Variants in ADGRB3 observed in about 807,000 individuals in gnomAD.
ADGRB3 encodes brain-specific angiogenesis inhibitor 3.
In ADGRB3, 37 loss-of-function variants were observed where a neutral mutation model predicts 193.4. The ratio of observed to expected loss-of-function variants is 0.19; its 90% CI spans 0.15 to 0.25. The LOEUF (loss-of-function observed/expected upper bound fraction) is 0.25. Among genes scored for constraint, ADGRB3 ranks in the 10% least tolerant of loss-of-function variants. The pLI is 1.00. For synonymous variants in ADGRB3, 690 were observed against 644.2 expected (o/e 1.07, Z -1.08); for missense variants, 1,637 against 1,852.9 (o/e 0.88, Z 2.14).
At chr6:69,332,179 C>T (rs1768745094) in intron 23 of ADGRB3, 18 of 985,228 alleles carry the variant, frequency 1.8e-5, no homozygotes, top group African/African-American at 5.2e-5. Flanking sequence ...TACAAATAGA[C>T]ATCTATGCAG....
At chr6:69,244,724 C>A (rs772821674) in intron 20 of ADGRB3, among the ~76,000 whole-genome samples, 1 of 151,976 alleles carries the variant, frequency 6.6e-6, no homozygotes, top group Non-Finnish European at 1.5e-5. Flanking sequence ...TCTGCCAGTT[C>A]TCCTAGTTGT....
rs939053978 is a variant in ADGRB3, at chr6:68,798,227, G to A, written c.758-132332G>A. On this transcript the variant is annotated intron_variant, in intron 3 of 31. Coordinates refer to ENST00000370598, the MANE Select transcript of ADGRB3 (RefSeq NM_001704.3). ...TATATGTAACATAGTTTATAGAAGT[G>A]TATTTTAATTCAGTTTGGCAAATAT... Among the ~76,000 whole-genome samples, 3 of 152,156 alleles carry A rather than the reference G, an allele frequency of 2.0e-5. No individual in the cohort carries two copies. In the East Asian group the frequency reaches 5.8e-4, roughly 29 times the overall value.
chr6:68,978,995 A>T (rs1768829331), intron 10 of ADGRB3, among the ~76,000 whole-genome samples: 1 of 151,344 alleles, frequency 6.6e-6, no homozygotes, highest in Non-Finnish European at 1.5e-5. Context: ...TCATTAATAA[A>T]CATTAGTTGT....
At chr6:69,030,297 A>C (rs148835057) in intron 13 of ADGRB3, among the ~76,000 whole-genome samples, 1 of 152,160 alleles carries the variant, frequency 6.6e-6, no homozygotes, top group South Asian at 2.1e-4. Flanking sequence ...TCATTTTACT[A>C]TAAAGACACA....
At chr6:69,319,716 C>A (rs887256421) in intron 20 of ADGRB3, among the ~76,000 whole-genome samples, 2 of 151,164 alleles carry the variant, frequency 1.3e-5, no homozygotes, top group African/African-American at 4.8e-5. Flanking sequence ...ATTTTTCTCC[C>A]AATACTAACA....
intron 3 of ADGRB3, among the ~76,000 whole-genome samples, chr6:68,754,148 A>AT (rs1413924802): frequency 6.6e-6 from 1 of 152,206 alleles, no homozygotes. Context: ...AAATCTAAGG[A>AT]TAAAAAATGT....
At chr6:68,920,793 TA>T (rs147748338) in intron 3 of ADGRB3, among the ~76,000 whole-genome samples, 10 of 150,906 alleles carry the variant, frequency 6.6e-5, no homozygotes, top group East Asian at 2.0e-4. Context: ...ATGAAGAAAC[TA>T]AAAAAAAATC....
At chr6:68,637,725 A>G (rs1767989848) in intron 2 of ADGRB3, among the ~76,000 whole-genome samples, 163 bp downstream of exon 2, 1 of 152,220 alleles carries the variant, frequency 6.6e-6, no homozygotes, top group Non-Finnish European at 1.5e-5. Context: ...TACCATGTGT[A>G]AGCCTTAAAT....
chr6:69,276,540 T>C (rs1767306702), intron 20 of ADGRB3, among the ~76,000 whole-genome samples: 1 of 152,200 alleles, frequency 6.6e-6, no homozygotes, highest in Non-Finnish European at 1.5e-5. Context: ...TTCCACTTTT[T>C]GTTTCTTTTT....
At chr6:69,319,949 C>T (rs1442701127) in intron 20 of ADGRB3, among the ~76,000 whole-genome samples, 2 of 151,220 alleles carry the variant, frequency 1.3e-5, no homozygotes, top group African/African-American at 4.8e-5. Context: ...AGTTTATTTC[C>T]TTACTTTATT....
Position 69,361,090 on chromosome 6 carries a change from G to A in ADGRB3, c.3817G>A (p.Glu1273Lys). ...NELSNPCLKKENSELRRTVYL... is the reference protein window; with the variant it reads ...NELSNPCLKKKNSELRRTVYL... ...GCTTAGCAATCCATGTTTGAAAAAAGAAAATAGTGAATTGCGGAGAACTGT... is the reference window on the plus strand; with the variant it reads ...GCTTAGCAATCCATGTTTGAAAAAAAAAAATAGTGAATTGCGGAGAACTGT... Residue 1273 changes from glutamate (E) to lysine (K), a missense_variant, in exon 29 of 32, where the codon GAA becomes AAA. By Grantham distance (56) the Glu-to-Lys change is moderately conservative. Around this residue, in one of 7 missense-constraint regions of ADGRB3, gnomAD observed 368 missense variants for 367.4 expected, o/e 1.00. Transcript: ENST00000370598. The A allele has an allele frequency of 6.2e-7, 1 of 1,612,786 alleles. No individual in the cohort carries two copies. The highest frequency in any genetic ancestry group is 8.5e-7 in the Non-Finnish European group (1 of 1,179,224).
At chr6:68,939,692 T>C (rs1291411970) in intron 5 of ADGRB3, among the ~76,000 whole-genome samples, 1 of 152,216 alleles carries the variant, frequency 6.6e-6, no homozygotes, top group Non-Finnish European at 1.5e-5. Flanking sequence ...TTATTTGTTG[T>C]GCAGGTAAAT....
At chr6:68,674,937 G>T (rs1769053194) in intron 3 of ADGRB3, among the ~76,000 whole-genome samples, 1 of 152,156 alleles carries the variant, frequency 6.6e-6, no homozygotes, top group Admixed American at 6.5e-5. Flanking sequence ...GGAGTATAGG[G>T]TGTGGATCAG....
rs554862448 is a variant in ADGRB3, at chr6:68,913,292, C to T, written c.758-17267C>T. Reference sequence around the variant, plus strand: ...CCGAGCAGCCTAACTGGGAGGCACCCCCCAGTAAGGGCAGACTGACACCTC... The same window carrying T: ...CCGAGCAGCCTAACTGGGAGGCACCTCCCAGTAAGGGCAGACTGACACCTC... On this transcript the variant is annotated intron_variant, in intron 3 of 31. Coordinates refer to ENST00000370598, the MANE Select transcript of ADGRB3 (RefSeq NM_001704.3). 2.0e-5 allele frequency among the ~76,000 whole-genome samples: 3 copies of T among 152,322 alleles called. No individual in the cohort carries two copies. In the East Asian group the frequency reaches 5.8e-4, roughly 29 times the overall value.
chr6:68,743,170 A>G (rs879872345), intron 3 of ADGRB3, among the ~76,000 whole-genome samples: 9 of 151,920 alleles, frequency 5.9e-5, no homozygotes, highest in Non-Finnish European at 1.3e-4. Context: ...TGTTATTCCT[A>G]TTACTTGGGT....
At chr6:69,354,102 A>G in intron 26 of ADGRB3, 131 bp from the exon 27 acceptor site, 2 of 560,740 alleles carry the variant, frequency 3.6e-6, no homozygotes, top group South Asian at 3.1e-5. Context: ...TTTTTTTAAA[A>G]AGAAGTAAAC....
At chr6:69,154,631 A>T (rs921689950) in intron 17 of ADGRB3, among the ~76,000 whole-genome samples, 1 of 151,936 alleles carries the variant, frequency 6.6e-6, no homozygotes, top group Non-Finnish European at 1.5e-5. Flanking sequence ...AGCACCCTTT[A>T]CCTCCCACAT....
At chr6:68,729,483 C>T (rs927528183) in intron 3 of ADGRB3, among the ~76,000 whole-genome samples, 2 of 151,512 alleles carry the variant, frequency 1.3e-5, no homozygotes, top group East Asian at 1.9e-4. Context: ...CAGAGCATGA[C>T]GAGTCAGAAT....
chr6:68,786,478 A>G (rs2127363944), intron 3 of ADGRB3, among the ~76,000 whole-genome samples: 1 of 152,148 alleles, frequency 6.6e-6, no homozygotes, highest in African/African-American at 2.4e-5. Context: ...ATGCAGCGTT[A>G]TTTCTGAGGG....
Sources: allele counts gnomAD v4.1 joint callset (sites outside exome capture counted in the v4.1 genomes callset), GRCh38; gene constraint gnomAD v4.1.1; regional missense constraint gnomAD v4.1.1; transcripts MANE v1.5; gene names NCBI Gene and HGNC (gene_info 2026-07-23, HGNC 2026-07-21).